Variants in MEGF11 observed in about 807,000 individuals in gnomAD.
MEGF11 encodes multiple epidermal growth factor-like domains protein 11.
A neutral mutation model predicts 146.6 loss-of-function variants in MEGF11; 126 were observed. The ratio of observed to expected loss-of-function variants is 0.86; its 90% confidence interval spans 0.74 to 1.00. MEGF11 has a LOEUF of 1.00. Among genes scored for constraint, MEGF11 ranks in the 50% least tolerant of loss-of-function variants. The pLI is 0.00. For missense variants in MEGF11, 1,509 were observed against 1,521.2 expected (o/e 0.99, Z 0.13); for synonymous variants, 532 against 583.4 (o/e 0.91, Z 1.27).
At chr15:66,183,190 G>A (rs1038189991) in intron 1 of MEGF11, among the ~76,000 whole-genome samples, 3 of 152,150 alleles carry the variant, frequency 2.0e-5, no homozygotes, top group African/African-American at 7.2e-5. Flanking sequence ...CGGGAGTGAG[G>A]AGAGGGGAAG....
intron 5 of MEGF11, among the ~76,000 whole-genome samples, chr15:66,048,242 A>G (rs763057616): frequency 6.6e-5 from 10 of 152,330 alleles, no homozygotes; most frequent in Non-Finnish European, 1.5e-4. Flanking sequence ...CACCGCGCCC[A>G]GCCAGGAGGA....
At chr15:66,224,997 C>G (rs1332091387) in intron 1 of MEGF11, among the ~76,000 whole-genome samples, 1 of 152,178 alleles carries the variant, frequency 6.6e-6, no homozygotes, top group African/African-American at 2.4e-5. Context: ...GAGGAAGGGT[C>G]TTGCTGGAGA....
rs571084547 is a variant in MEGF11, at chr15:65,929,932, T to C, written c.1409-49A>G. On this transcript the variant is annotated intron_variant, in intron 11 of 25. Coordinates refer to ENST00000395614, the MANE Select transcript of MEGF11 (RefSeq NM_001385028.1). ...CACTTCTCCATCCAGGCCCAGTGTG[T>C]CTTTTTTGCCCACTCCCCCCAGCTC... is the stretch of plus-strand genomic sequence containing the variant. 3.2e-6 allele frequency: 5 copies of C among 1,543,180 alleles called. No homozygotes were observed. In the South Asian group the frequency reaches 6.0e-5, roughly 18 times the overall value.
In MEGF11 at chr15:65,915,458, C is replaced by G. The variant is rs765607915; in HGVS notation, c.2473+12G>C. ...TTCCACAGACCCCGGGGCTCTGCCA[C>G]GTGTGTATTACCTTGGTCACACCTG... On this transcript the variant is annotated intron_variant, in intron 19 of 25. Coordinates refer to ENST00000395614, the MANE Select transcript of MEGF11 (RefSeq NM_001385028.1). 1 of 1,613,196 alleles carries G rather than the reference C, an allele frequency of 6.2e-7. No individual in the cohort carries two copies. The highest frequency in any genetic ancestry group is 8.5e-7 in the Non-Finnish European group (1 of 1,179,484).
At chr15:66,251,209 G>A (rs1340024695) in intron 1 of MEGF11, among the ~76,000 whole-genome samples, 2 of 152,158 alleles carry the variant, frequency 1.3e-5, no homozygotes, top group African/African-American at 2.4e-5. Flanking sequence ...TTGACCAGCC[G>A]CTTAACCAGC....
chr15:66,198,951 A>G (rs960194033), intron 1 of MEGF11, among the ~76,000 whole-genome samples: 5 of 152,166 alleles, frequency 3.3e-5, no homozygotes, highest in African/African-American at 1.2e-4. Context: ...AAAAAGTTAA[A>G]TAATCATCTC....
chr15:66,211,272 T>C (rs71398251), intron 1 of MEGF11, among the ~76,000 whole-genome samples: 42,876 of 152,094 alleles, frequency 0.28, 6,884 homozygotes, highest in East Asian at 0.7. Context: ...GCCTGTAATC[T>C]CAGCACTTTG....
chr15:66,052,781 T>C lies in MEGF11; in HGVS notation c.394+41621A>G, dbSNP rs57702521. On this transcript the variant is annotated intron_variant, in intron 5 of 25. Transcript: ENST00000395614. ...CTCCCATCTTTGAACAACTAAACCA[T>C]GTTAGAAGGTTCTCAACTCTGGCTA... is the stretch of plus-strand genomic sequence containing the variant. 9.9e-3 allele frequency among the ~76,000 whole-genome samples: 1,512 copies of C among 152,244 alleles called. 27 individuals are homozygous for C. Among genetic ancestry groups the C allele is most frequent in the African/African-American group, 0.034 (1,415 of 41,544 alleles).
chr15:66,113,741 T>G (rs75430782), intron 4 of MEGF11, among the ~76,000 whole-genome samples: 25,217 of 151,964 alleles, frequency 0.17, 2,472 homozygotes, highest in East Asian at 0.36. Flanking sequence ...ATTAGCCAGG[T>G]GCGGTGTCGG....
At chr15:66,104,425 G>A (rs2086970779) in intron 4 of MEGF11, among the ~76,000 whole-genome samples, 1 of 152,250 alleles carries the variant, frequency 6.6e-6, no homozygotes, top group Non-Finnish European at 1.5e-5. Context: ...ATGAAACTAT[G>A]TACGTACACC....
chr15:66,030,664 C>T (rs558424367), intron 5 of MEGF11, among the ~76,000 whole-genome samples: 1 of 152,150 alleles, frequency 6.6e-6, no homozygotes, highest in East Asian at 1.9e-4. Flanking sequence ...CCTGCCTCGG[C>T]CTCCCAAAGT....
intron 5 of MEGF11, among the ~76,000 whole-genome samples, chr15:66,068,591 T>C (rs1308675159): frequency 6.6e-6 from 1 of 152,192 alleles, no homozygotes; most frequent in Non-Finnish European, 1.5e-5. Flanking sequence ...AGAGCTGGGA[T>C]TCAACCCCAG....
chr15:65,929,782 T>C lies in MEGF11; in HGVS notation c.1510A>G (p.Ile504Val). Residue 504 changes from isoleucine (I) to valine (V), a missense_variant, in exon 12 of 26, where the codon ATA (isoleucine) becomes GTA (valine). Transcript: ENST00000395614. ...GGAGTGCAGGAGCAGGAGCCGTCTA[T>C]GGGGCTGCAGGCTGCCCCATTGGCA... Reference protein sequence around the residue: ...TCANGAACSPIDGSCSCTPGW... With the variant: ...TCANGAACSPVDGSCSCTPGW... The C allele has an allele frequency of 6.4e-7, 1 of 1,560,866 alleles. No homozygotes were observed. Among genetic ancestry groups the C allele is most frequent in the Non-Finnish European group, 8.7e-7 (1 of 1,152,382 alleles).
At chr15:66,180,716 G>A (rs141985242) in intron 1 of MEGF11, among the ~76,000 whole-genome samples, 311 of 152,232 alleles carry the variant, frequency 2.0e-3, no homozygotes, top group African/African-American at 7.1e-3. Context: ...GATCCTCCCC[G>A]GGCATCAAAG....
chr15:66,193,180 GA>G (rs919071236), intron 1 of MEGF11, among the ~76,000 whole-genome samples: 27 of 152,090 alleles, frequency 1.8e-4, no homozygotes, highest in Non-Finnish European at 3.1e-4. Flanking sequence ...TCTAGTTATG[GA>G]AAAAAATCCT....
chr15:66,150,824 G>GAGAA (rs2089542575), intron 1 of MEGF11, among the ~76,000 whole-genome samples: 1 of 1,116 alleles, frequency 9.0e-4, no homozygotes, highest in African/African-American at 3.9e-3. Context: ...ATGCCCTGTC[G>GAGAA]AGAGAGAGAG....
chr15:65,998,033 G>A (rs779411967), intron 5 of MEGF11, among the ~76,000 whole-genome samples: 3 of 152,112 alleles, frequency 2.0e-5, no homozygotes, highest in Admixed American at 6.5e-5. Context: ...GGGCAGGGGT[G>A]GGGGGCACTG....
In MEGF11 at chr15:66,136,591, G is replaced by C. The variant is rs151029492; in HGVS notation, c.-8-8180C>G. Among the ~76,000 whole-genome samples, 310 of 152,266 alleles carry C rather than the reference G, an allele frequency of 2.0e-3. 2 individuals carry two copies. Among genetic ancestry groups the C allele is most frequent in the African/African-American group, 7.3e-3 (305 of 41,538 alleles). ...TCAAAGTTTGAAGTGCCCTACACAT[G>C]TTCTAAAAAAAGGTTGTCAATATAG... is the stretch of plus-strand genomic sequence containing the variant. On this transcript the variant is annotated intron_variant, in intron 1 of 25. Coordinates refer to ENST00000395614, the MANE Select transcript of MEGF11 (RefSeq NM_001385028.1).
At chr15:66,168,992 A>T (rs1171217362) in intron 1 of MEGF11, among the ~76,000 whole-genome samples, 1 of 152,232 alleles carries the variant, frequency 6.6e-6, no homozygotes, top group African/African-American at 2.4e-5. Context: ...CAACTCAAAA[A>T]ATAAAATAAA....
Sources: gnomAD v4.1 joint callset for allele counts (sites outside exome capture counted in the v4.1 genomes callset) on GRCh38, gnomAD v4.1.1 for gene constraint, MANE v1.5 for transcripts, NCBI Gene and HGNC (gene_info 2026-07-23, HGNC 2026-07-21) for gene names.